Variants in NALF1 observed in about 807,000 individuals in gnomAD.
The protein encoded by NALF1 is family with sequence similarity 155 member A.
In NALF1, 3 loss-of-function variants were observed where a neutral mutation model predicts 48.4. The ratio of observed to expected loss-of-function variants is 0.06; its 90% confidence interval spans 0.03 to 0.16. The LOEUF is 0.16. NALF1 is among the 10% of genes least tolerant of loss of function. The pLI, the probability that NALF1 is intolerant of heterozygous loss-of-function variation, is 1.00. For synonymous variants in NALF1, 262 were observed against 245.7 expected (o/e 1.07, Z -0.62); for missense variants, 526 against 571.5 (o/e 0.92, Z 0.81).
intron 1 of NALF1, among the ~76,000 whole-genome samples, chr13:107,847,360 G>A (rs1253731642): frequency 2.0e-5 from 3 of 152,178 alleles, no homozygotes; most frequent in African/African-American, 7.2e-5. Context: ...TAACGGATGT[G>A]CAAACAGTCT....
chr13:107,588,183 C>T (rs906722867), intron 1 of NALF1, among the ~76,000 whole-genome samples: 1 of 152,078 alleles, frequency 6.6e-6, no homozygotes, highest in Non-Finnish European at 1.5e-5. Flanking sequence ...CCATGGGAGG[C>T]CCCTGTTGCC....
At chr13:107,754,432 T>C (rs1877034556) in intron 1 of NALF1, among the ~76,000 whole-genome samples, 1 of 150,116 alleles carries the variant, frequency 6.7e-6, no homozygotes, top group South Asian at 2.1e-4. Flanking sequence ...CTGAGCACAT[T>C]TAGCTTAGCA....
At chr13:107,780,244 C>G (rs1877849876) in intron 1 of NALF1, among the ~76,000 whole-genome samples, 1 of 151,876 alleles carries the variant, frequency 6.6e-6, no homozygotes, top group Admixed American at 6.6e-5. Flanking sequence ...TGTAGTTTGC[C>G]TTCCCTTCTT....
intron 1 of NALF1, among the ~76,000 whole-genome samples, chr13:107,679,699 CCATGGG>C (rs1566441072): frequency 6.6e-6 from 1 of 152,144 alleles, no homozygotes; most frequent in African/African-American, 2.4e-5. Flanking sequence ...TGGTGCTGCA[CCATGGG>C]CAACCTGGCC....
chr13:107,427,827 C>A (rs1338993236), intron 1 of NALF1, among the ~76,000 whole-genome samples: 1 of 152,026 alleles, frequency 6.6e-6, no homozygotes, highest in Non-Finnish European at 1.5e-5. Context: ...AAATATGAAG[C>A]CTCCATCTAA....
chr13:107,646,890 G>A (rs986410515), intron 1 of NALF1, among the ~76,000 whole-genome samples: 1 of 151,862 alleles, frequency 6.6e-6, no homozygotes, highest in South Asian at 2.1e-4. Context: ...ATTTTCTAAA[G>A]GACAATGATT....
chr13:107,592,357 T>C (rs1384227501), intron 1 of NALF1, among the ~76,000 whole-genome samples: 1 of 151,946 alleles, frequency 6.6e-6, no homozygotes, highest in Non-Finnish European at 1.5e-5. Context: ...CATAGATCTG[T>C]AGCTTATTCT....
intron 1 of NALF1, among the ~76,000 whole-genome samples, chr13:107,619,484 T>C (rs1594164866): frequency 6.6e-6 from 1 of 152,280 alleles, no homozygotes; most frequent in Middle Eastern, 3.4e-3. Flanking sequence ...GGTGGGCATT[T>C]TGGAAGGAAC....
intron 1 of NALF1, among the ~76,000 whole-genome samples, chr13:107,549,704 A>C (rs1292141653): frequency 6.6e-6 from 1 of 152,160 alleles, no homozygotes; most frequent in East Asian, 1.9e-4. Context: ...TTAAATGTTT[A>C]TTTAAACAAG....
chr13:107,786,500 G>C (rs1455053258), intron 1 of NALF1, among the ~76,000 whole-genome samples: 3 of 150,634 alleles, frequency 2.0e-5, no homozygotes, highest in African/African-American at 7.3e-5. Context: ...GAGGTGGGCG[G>C]ATCACCTGAA....
chr13:107,715,234 C>T (rs568630664), intron 1 of NALF1, among the ~76,000 whole-genome samples: 8 of 151,184 alleles, frequency 5.3e-5, no homozygotes, highest in South Asian at 2.1e-4. Context: ...CAGAGTTTCA[C>T]GCTTGTTGCC....
At chr13:107,629,566 G>A (rs528000713) in intron 1 of NALF1, among the ~76,000 whole-genome samples, 16 of 152,056 alleles carry the variant, frequency 1.1e-4, no homozygotes, top group African/African-American at 3.4e-4. Context: ...TTGCTTTTTC[G>A]AAAACCGTCT....
chr13:107,182,179 T>A (rs1338407574), intron 2 of NALF1, among the ~76,000 whole-genome samples: 2 of 152,102 alleles, frequency 1.3e-5, no homozygotes, highest in Non-Finnish European at 2.9e-5. Flanking sequence ...CCATTCCTTT[T>A]GTTTTCTGTC....
intron 1 of NALF1, among the ~76,000 whole-genome samples, chr13:107,751,624 A>G (rs1201062133): frequency 6.6e-6 from 1 of 152,208 alleles, no homozygotes; most frequent in Admixed American, 6.5e-5. Flanking sequence ...TACCTGCTGA[A>G]TGACACTGAA....
chr13:107,196,914 T>C (rs188146306), intron 2 of NALF1, among the ~76,000 whole-genome samples: 29 of 152,306 alleles, frequency 1.9e-4, no homozygotes, highest in East Asian at 3.9e-4. Flanking sequence ...CATTCTCCTA[T>C]ATATATGTTT....
chr13:107,369,273 T>A (rs1883207269), intron 1 of NALF1, among the ~76,000 whole-genome samples: 1 of 152,208 alleles, frequency 6.6e-6, no homozygotes, highest in Non-Finnish European at 1.5e-5. Context: ...GTATAATAGT[T>A]TTTAGTATGT....
intron 1 of NALF1, among the ~76,000 whole-genome samples, chr13:107,484,366 T>C (rs1334485539): frequency 3.3e-5 from 5 of 152,170 alleles, no homozygotes; most frequent in Admixed American, 2.0e-4. Flanking sequence ...TTTTCAATCA[T>C]GAGAACATAT....
intron 1 of NALF1, among the ~76,000 whole-genome samples, chr13:107,864,905 A>T (rs1204838258): frequency 6.6e-6 from 1 of 152,218 alleles, no homozygotes; most frequent in African/African-American, 2.4e-5. Flanking sequence ...TATTTCAGTA[A>T]ATTTTAACTA....
chr13:107,764,333 C>T (rs17445433), intron 1 of NALF1, among the ~76,000 whole-genome samples: 8,589 of 151,938 alleles, frequency 0.057, 354 homozygotes, highest in South Asian at 0.086. Flanking sequence ...TGTTTGTATA[C>T]GTGATGTTGC....
Sources: gnomAD v4.1 joint callset for allele counts (sites outside exome capture counted in the v4.1 genomes callset) on GRCh38, gnomAD v4.1.1 for gene constraint, MANE v1.5 for transcripts, NCBI Gene and HGNC (gene_info 2026-07-23, HGNC 2026-07-21) for gene names.